GPR149: variants seen among roughly 807,000 people sequenced by gnomAD.
The protein encoded by GPR149 is G protein-coupled receptor 149.
Under a neutral mutation model 50.2 loss-of-function variants are expected in GPR149, and 50 were observed. That is an observed-to-expected ratio of 1.00 (90% CI 0.79 to 1.26). The LOEUF (loss-of-function observed/expected upper bound fraction) is 1.26. Among genes scored for constraint, GPR149 ranks in the 50% most tolerant of loss-of-function variants. The pLI is 0.00. For synonymous variants in GPR149, 405 were observed against 358.2 expected (o/e 1.13, Z -1.48); for missense variants, 983 against 895.4 (o/e 1.10, Z -1.25).
At chr3:154,370,763 C>T (rs1367194261) in intron 3 of GPR149, among the ~76,000 whole-genome samples, 1 of 152,148 alleles carries the variant, frequency 6.6e-6, no homozygotes. Flanking sequence ...GAACGACTGT[C>T]CTCAAAGTCC....
At chr3:154,352,586 C>A in intron 3 of GPR149, 1 of 776,518 alleles carries the variant, frequency 1.3e-6, no homozygotes, top group South Asian at 1.3e-5. Flanking sequence ...GAGTCATGGT[C>A]ATCAGAGGCG....
At chr3:154,390,826 G>GACTC (rs1405398700) in intron 3 of GPR149, among the ~76,000 whole-genome samples, 2 of 152,170 alleles carry the variant, frequency 1.3e-5, no homozygotes, top group East Asian at 3.9e-4. Context: ...AGAGAAAAGT[G>GACTC]ACTCATTCCA....
intron 3 of GPR149, among the ~76,000 whole-genome samples, chr3:154,362,928 T>C (rs895990191): frequency 6.6e-6 from 1 of 152,172 alleles, no homozygotes; most frequent in Admixed American, 6.5e-5. Context: ...TTAGAGGTAT[T>C]CCATTGGAAA....
chr3:154,408,278 GCT>G (rs1711748806), intron 3 of GPR149, among the ~76,000 whole-genome samples: 1 of 152,126 alleles, frequency 6.6e-6, no homozygotes, highest in African/African-American at 2.4e-5. Context: ...ATGAACTTTT[GCT>G]CCAAGAACTA....
At chr3:154,417,107 G>T (rs915019722) in intron 3 of GPR149, among the ~76,000 whole-genome samples, 1 of 151,898 alleles carries the variant, frequency 6.6e-6, no homozygotes, top group South Asian at 2.1e-4. Context: ...AAAATGTGGG[G>T]TTCTAGAAAA....
chr3:154,360,866 T>C (rs1328009143), intron 3 of GPR149, among the ~76,000 whole-genome samples: 1 of 152,174 alleles, frequency 6.6e-6, no homozygotes, highest in Non-Finnish European at 1.5e-5. Context: ...AAGCTATTTT[T>C]ATTAAAAACA....
chr3:154,361,727 T>G (rs1004541870), intron 3 of GPR149, among the ~76,000 whole-genome samples: 1 of 152,202 alleles, frequency 6.6e-6, no homozygotes, highest in Non-Finnish European at 1.5e-5. Flanking sequence ...GTATCCACCT[T>G]CTTAGAACCA....
chr3:154,377,348 A>AATTATTATT (rs59932456), intron 3 of GPR149, among the ~76,000 whole-genome samples: 5,700 of 139,158 alleles, frequency 0.041, 146 homozygotes, highest in Middle Eastern at 0.058. Flanking sequence ...TCTGCTCTGT[A>AATTATTATT]ATTATTATTA....
chr3:154,393,080 T>G (rs1218720746), intron 3 of GPR149, among the ~76,000 whole-genome samples: 1 of 152,034 alleles, frequency 6.6e-6, no homozygotes, highest in Non-Finnish European at 1.5e-5. Context: ...AATCTGATTT[T>G]ATGAGGCCAG....
At chr3:154,357,452 C>T (rs1250954518) in intron 3 of GPR149, among the ~76,000 whole-genome samples, 1 of 152,058 alleles carries the variant, frequency 6.6e-6, no homozygotes, top group Non-Finnish European at 1.5e-5. Flanking sequence ...GGGCTAATAT[C>T]CAGAATCTAC....
intron 3 of GPR149, among the ~76,000 whole-genome samples, chr3:154,340,515 T>C (rs527954886): frequency 2.0e-5 from 3 of 152,230 alleles, no homozygotes; most frequent in Non-Finnish European, 2.9e-5. Flanking sequence ...TGAGCTTGCA[T>C]TGGATGTATG....
intron 3 of GPR149, among the ~76,000 whole-genome samples, chr3:154,356,048 A>G (rs1432062916): frequency 6.6e-6 from 1 of 152,192 alleles, no homozygotes; most frequent in Non-Finnish European, 1.5e-5. Flanking sequence ...CCTAGGGTAG[A>G]GGAGGCTAGT....
At chr3:154,385,675 C>T (rs1287261099) in intron 3 of GPR149, among the ~76,000 whole-genome samples, 1 of 150,982 alleles carries the variant, frequency 6.6e-6, no homozygotes, top group Non-Finnish European at 1.5e-5. Context: ...AATGCAATAA[C>T]TTTCACAAAT....
intron 3 of GPR149, chr3:154,353,301 T>C: frequency 2.8e-6 from 4 of 1,423,372 alleles, no homozygotes; most frequent in Non-Finnish European, 4.0e-6. Context: ...AACCTGTTCA[T>C]ATCTGGATTT....
Position 154,335,417 on chromosome 3 carries a change from T to A in GPR149, c.*2282A>T, listed in dbSNP as rs1351801979. The A allele has an allele frequency of 1.3e-5, 2 of 152,142 alleles. No homozygotes were observed. Among genetic ancestry groups the A allele is most frequent in the Admixed American group, 6.5e-5 (1 of 15,280 alleles). 9.4% of individuals were successfully genotyped at this position (152,142 alleles called of 1,614,324 possible). A position where few individuals can be genotyped will look rare whatever the true frequency, so the allele number is the denominator to read the frequency against. The stretch of plus-strand genomic sequence containing the variant: ...CATTCATGCTTAGGCACAGCTCTAG[T>A]AGATTTTTCTTGTATATTCAGCTAT... On this transcript the variant is annotated 3_prime_UTR_variant, in exon 4 of 4. Coordinates refer to ENST00000389740, the MANE Select transcript of GPR149 (RefSeq NM_001038705.3).
intron 1 of GPR149, 101 bp from the exon 2 acceptor site, chr3:154,427,809 T>TCAGGAGAAGGAA: frequency 1.8e-6 from 2 of 1,099,728 alleles, no homozygotes; most frequent in Non-Finnish European, 2.6e-6. Flanking sequence ...TCCAGTTCCT[T>TCAGGAGAAGGAA]CTCCTGATGG....
intron 3 of GPR149, among the ~76,000 whole-genome samples, chr3:154,407,504 A>T (rs1396835473): frequency 1.3e-5 from 2 of 152,090 alleles, no homozygotes; most frequent in Non-Finnish European, 2.9e-5. Context: ...CTGTTTTTTC[A>T]CTGTCAGGAA....
intron 3 of GPR149, among the ~76,000 whole-genome samples, chr3:154,356,563 A>C (rs1714231292): frequency 6.6e-6 from 1 of 152,238 alleles, no homozygotes; most frequent in Non-Finnish European, 1.5e-5. Flanking sequence ...CCAAATCATG[A>C]GTGAACTCCC....
At chr3:154,344,635 A>G (rs1312647800) in intron 3 of GPR149, among the ~76,000 whole-genome samples, 1 of 152,148 alleles carries the variant, frequency 6.6e-6, no homozygotes, top group African/African-American at 2.4e-5. Flanking sequence ...GGAAATTTGG[A>G]CGCAGATGTA....
Sources: gnomAD v4.1 joint callset for allele counts (sites outside exome capture counted in the v4.1 genomes callset) on GRCh38, gnomAD v4.1.1 for gene constraint, MANE v1.5 for transcripts, NCBI Gene and HGNC (gene_info 2026-07-23, HGNC 2026-07-21) for gene names.